Variants in TIMP2 observed in about 807,000 individuals in gnomAD.
TIMP2 encodes metalloproteinase inhibitor 2.
In TIMP2, 5 loss-of-function variants were observed where a neutral mutation model predicts 24.3. The observed-to-expected ratio is 0.21, with a 90% CI of 0.11 to 0.43. The LOEUF (loss-of-function observed/expected upper bound fraction) is 0.43. TIMP2 is among the 20% of genes least tolerant of loss of function. The pLI is 1.00. For missense variants in TIMP2, 221 were observed against 297.5 expected, an observed-to-expected ratio of 0.74 and a Z score of 1.89; for synonymous variants, 130 against 123.2, an observed-to-expected ratio of 1.06 and a Z score of -0.37.
rs1229638281 is a variant in TIMP2 at position 78,878,230 on chromosome 17, A to C, written c.131-4311T>G. ...ACTTATTTGAAGGAGGCAGCAAGAG[A>C]CAGAGATCCTGCATTCACCCCTGGA... On this transcript the variant is annotated intron_variant, in intron 1 of 4. Coordinates refer to ENST00000262768, the MANE Select transcript of TIMP2 (RefSeq NM_003255.5). 7.2e-5 allele frequency among the ~76,000 whole-genome samples: 11 copies of C among 152,162 alleles called. 1 individual carries two copies. In the South Asian group the frequency reaches 1.0e-3, roughly 14 times the overall value.
intron 1 of TIMP2, among the ~76,000 whole-genome samples, chr17:78,888,000 G>A (rs750438831): frequency 2.6e-5 from 4 of 152,180 alleles, no homozygotes; most frequent in African/African-American, 4.8e-5. Context: ...TAACCGTGCC[G>A]AGGCCAAAAA....
At chr17:78,913,514 C>G (rs1235862732) in intron 1 of TIMP2, among the ~76,000 whole-genome samples, 2 of 152,048 alleles carry the variant, frequency 1.3e-5, no homozygotes, top group Non-Finnish European at 2.9e-5. Flanking sequence ...CGTTCAAGAC[C>G]AGACTGGGCA....
Position 78,854,921 on chromosome 17 carries a change from CGGGGGGGGGGGGGTGG to C in TIMP2, c.*730_*745del, listed in dbSNP as rs1402916912. 1 of 39,110 alleles carries C rather than the reference CGGGGGGGGGGGGGTGG, an allele frequency of 2.6e-5. No homozygotes were observed. The highest frequency in any genetic ancestry group is 7.0e-4 in the East Asian group (1 of 1,436). 2.4% of individuals were successfully genotyped at this position (39,110 alleles called of 1,614,324 possible). On this transcript the variant is annotated 3_prime_UTR_variant, in exon 5 of 5. Coordinates refer to ENST00000262768, the MANE Select transcript of TIMP2 (RefSeq NM_003255.5). ...TCCTGCAAGCTGGGGAGCATGTGGG[CGGGGGGGGGGGGGTGG>C]GGGGGTGGGTGCAGACCAAAAAGAC...
chr17:78,860,992 C>T (rs544999428), intron 3 of TIMP2, among the ~76,000 whole-genome samples: 15 of 150,716 alleles, frequency 1.0e-4, no homozygotes, highest in African/African-American at 2.0e-4. Flanking sequence ...GCCAAGATCG[C>T]GCCATTGCAC....
At chr17:78,879,601 G>C (rs1345322164) in intron 1 of TIMP2, among the ~76,000 whole-genome samples, 6 of 152,098 alleles carry the variant, frequency 3.9e-5, no homozygotes, top group East Asian at 1.9e-4. Flanking sequence ...AGCTGCGAGA[G>C]GGGGAGTCTT....
rs980646478 is a variant in TIMP2, at chr17:78,896,454, A to T, written c.131-22535T>A. Among the ~76,000 whole-genome samples, 1 of 152,116 alleles carries T rather than the reference A, an allele frequency of 6.6e-6. No individual in the cohort carries two copies. Among genetic ancestry groups the T allele is most frequent in the Non-Finnish European group, 1.5e-5 (1 of 68,020 alleles). On this transcript the variant is annotated intron_variant, in intron 1 of 4. Coordinates refer to ENST00000262768, the MANE Select transcript of TIMP2 (RefSeq NM_003255.5). The surrounding 1 kb of genome is among the most constrained non-coding windows in gnomAD (Gnocchi z 4.4). ...GCCAATGAAGACAGCCATGGTTCCA[A>T]TCAGGGCCCTCGCTACAGCTCCCCT...
chr17:78,874,074 C>A, intron 1 of TIMP2, 155 bp from the exon 2 acceptor site: 1 of 578,670 alleles, frequency 1.7e-6, no homozygotes, highest in East Asian at 3.1e-5. Context: ...ATCCCAGCCC[C>A]CGGCATGGCG....
chr17:78,903,595 C>T (rs2070127786), intron 1 of TIMP2, among the ~76,000 whole-genome samples: 1 of 152,204 alleles, frequency 6.6e-6, no homozygotes. Flanking sequence ...CGCTTCTAAA[C>T]AGCTCCAGAA....
rs2070298961 is a variant in TIMP2 at position 78,920,223 on chromosome 17, T to G, written c.130+4736A>C. Among the ~76,000 whole-genome samples, 1 of 152,186 alleles carries G rather than the reference T, an allele frequency of 6.6e-6. No individual in the cohort carries two copies. Among genetic ancestry groups the G allele is most frequent in the South Asian group, 2.1e-4 (1 of 4,836 alleles). On this transcript the variant is annotated intron_variant, in intron 1 of 4. Coordinates refer to ENST00000262768, the MANE Select transcript of TIMP2 (RefSeq NM_003255.5). The surrounding 1 kb of genome is among the most constrained non-coding windows in gnomAD (Gnocchi z 4.5). ...TGTGCTCAGATGTCGCCACAGAGTC[T>G]GAACCTCTCAGCCCACACCAGTGGC...
chr17:78,908,601 A>T (rs1242985577), intron 1 of TIMP2, among the ~76,000 whole-genome samples: 1 of 152,198 alleles, frequency 6.6e-6, no homozygotes, highest in Admixed American at 6.5e-5. Context: ...GACCTTGGGC[A>T]AGTCATCGGC....
chr17:78,891,893 G>A lies in TIMP2; in HGVS notation c.131-17974C>T. The A allele has an allele frequency of 6.4e-7, 1 of 1,550,600 alleles. No individual in the cohort carries two copies. The highest frequency in any genetic ancestry group is 8.7e-7 in the Non-Finnish European group (1 of 1,147,000). On this transcript the variant is annotated intron_variant, in intron 1 of 4. Coordinates refer to ENST00000262768, the MANE Select transcript of TIMP2 (RefSeq NM_003255.5). This position sits in a 1 kb window ranked among gnomAD's most constrained non-coding sequence, Gnocchi z 4.5. Reference sequence around the variant, plus strand: ...CCGACCCGTGGCTTTTGTAGTCTGTGGTTTCTCTGGACTCGCTGCTGTCTT... The same window carrying A: ...CCGACCCGTGGCTTTTGTAGTCTGTAGTTTCTCTGGACTCGCTGCTGTCTT...
At chr17:78,856,290 C>A (rs530307807) in intron 4 of TIMP2, 1 of 194,444 alleles carries the variant, frequency 5.1e-6, no homozygotes, top group South Asian at 1.1e-4. Flanking sequence ...CCCTAGGCTA[C>A]AAGAGGATGA....
chr17:78,867,700 A>G (rs1402198560), intron 3 of TIMP2, among the ~76,000 whole-genome samples: 1 of 145,528 alleles, frequency 6.9e-6, no homozygotes, highest in African/African-American at 2.6e-5. Context: ...GGTTCACGCC[A>G]TTCTCCTGCC....
At position 78,896,414 on chromosome 17, in the gene TIMP2, C is replaced by T. The variant is rs1342027280; in HGVS notation, c.131-22495G>A. Among the ~76,000 whole-genome samples, 2 of 152,190 alleles carry T rather than the reference C, an allele frequency of 1.3e-5. No homozygotes were observed. Among genetic ancestry groups the T allele is most frequent in the Non-Finnish European group, 2.9e-5 (2 of 68,038 alleles). ...CCTGCCAGACAGGACGTCGGGTGCCCTTGGCAGGACACTTGCCAATGAAGA... is the reference window on the plus strand; with the variant it reads ...CCTGCCAGACAGGACGTCGGGTGCCTTTGGCAGGACACTTGCCAATGAAGA... On this transcript the variant is annotated intron_variant, in intron 1 of 4. Coordinates refer to ENST00000262768, the MANE Select transcript of TIMP2 (RefSeq NM_003255.5). This position sits in a 1 kb window ranked among gnomAD's most constrained non-coding sequence, Gnocchi z 4.4.
At chr17:78,898,298 A>G (rs1007599294) in intron 1 of TIMP2, 1 of 152,292 alleles carries the variant, frequency 6.6e-6, no homozygotes, top group Non-Finnish European at 1.5e-5. Context: ...CTAAGGCCAC[A>G]TAGCTCGTAA....
At position 78,855,613 on chromosome 17, in the gene TIMP2, C is replaced by T. The variant is rs1038172572; in HGVS notation, c.*54G>A. ...GAAGGGATGTCAGAGCTGGACCAGTCGAAACCCTTGGAGGCTTTTTTTGCA... is the reference window on the plus strand; with the variant it reads ...GAAGGGATGTCAGAGCTGGACCAGTTGAAACCCTTGGAGGCTTTTTTTGCA... On this transcript the variant is annotated 3_prime_UTR_variant, in exon 5 of 5. Coordinates refer to ENST00000262768, the MANE Select transcript of TIMP2 (RefSeq NM_003255.5). This position sits in a 1 kb window ranked among gnomAD's most constrained non-coding sequence, Gnocchi z 6.0. 1.1e-5 allele frequency: 17 copies of T among 1,593,974 alleles called. No individual in the cohort carries two copies. The Admixed American group carries it at 2.4e-4, about 22-fold the overall frequency.
intron 2 of TIMP2, among the ~76,000 whole-genome samples, chr17:78,871,464 A>AG (rs1599149505): frequency 7.6e-6 from 1 of 131,650 alleles, no homozygotes; most frequent in African/African-American, 2.8e-5. Flanking sequence ...AAAAAAAAAA[A>AG]AAAAAAGAAA....
chr17:78,908,265 C>T lies in TIMP2; in HGVS notation c.130+16694G>A, dbSNP rs539842501. Among the ~76,000 whole-genome samples the T allele has an allele frequency of 9.2e-5, 14 of 152,296 alleles. No individual in the cohort carries two copies. The East Asian group carries it at 1.2e-3, about 13-fold the overall frequency. On this transcript the variant is annotated intron_variant, in intron 1 of 4. Coordinates refer to ENST00000262768, the MANE Select transcript of TIMP2 (RefSeq NM_003255.5). ...TAACGTTTCCGTAAGATAAGCAAGA[C>T]GGAGATGAATATCCTTCAGCTAAAT...
intron 3 of TIMP2, among the ~76,000 whole-genome samples, chr17:78,862,002 A>G (rs2069571146): frequency 6.6e-6 from 1 of 152,200 alleles, no homozygotes; most frequent in African/African-American, 2.4e-5. Context: ...GCGATGTTCT[A>G]CTTATGTCTG....
Sources: allele counts gnomAD v4.1 joint callset (sites outside exome capture counted in the v4.1 genomes callset), GRCh38; gene constraint gnomAD v4.1.1; non-coding constraint Gnocchi (gnomAD v3.1); transcripts MANE v1.5; gene names NCBI Gene and HGNC (gene_info 2026-07-23, HGNC 2026-07-21).